Variants in MGAM observed in about 807,000 individuals in gnomAD.
MGAM encodes the protein alpha-1,4-glucosidase.
A neutral mutation model predicts 358.8 loss-of-function variants in MGAM; 253 were observed. The observed-to-expected ratio is 0.71, with a 90% CI of 0.64 to 0.78. The LOEUF (loss-of-function observed/expected upper bound fraction) is 0.78. Ranked by LOEUF, MGAM falls within the 30% of genes least tolerant of loss-of-function variation. The pLI is 0.00. For synonymous variants in MGAM, 1,105 were observed against 1,227.1 expected (o/e 0.90, Z 2.08); for missense variants, 3,080 against 3,432.6 (o/e 0.90, Z 2.57).
rs1241862967 is a variant in MGAM at position 142,032,995 on chromosome 7, G to A, written c.1669+86G>A. 15 of 876,126 alleles carry A rather than the reference G, an allele frequency of 1.7e-5. No individual in the cohort carries two copies. In the East Asian group the frequency reaches 4.2e-4, roughly 25 times the overall value. The allele number at this position is 876,126 out of a possible 1,614,324, so 54.3% of individuals were successfully genotyped here. Reference sequence around the variant, plus strand: ...AGGACAGATCTGAAAAATCTGGCAAGGGAATTTGTTCATAATTGTGCATAG... The same window carrying A: ...AGGACAGATCTGAAAAATCTGGCAAAGGAATTTGTTCATAATTGTGCATAG... On this transcript the variant is annotated intron_variant, in intron 14 of 70. Coordinates refer to ENST00000475668, the MANE Select transcript of MGAM (RefSeq NM_001365693.1).
intron 63 of MGAM, among the ~76,000 whole-genome samples, chr7:142,095,350 C>A (rs1372987424): frequency 1.3e-5 from 2 of 152,146 alleles, no homozygotes; most frequent in Non-Finnish European, 2.9e-5. Flanking sequence ...AAAAAATATA[C>A]CAAAAAGAAT....
intron 21 of MGAM, among the ~76,000 whole-genome samples, chr7:142,047,012 A>T (rs1317325788): frequency 6.6e-6 from 1 of 152,172 alleles, no homozygotes; most frequent in Non-Finnish European, 1.5e-5. Flanking sequence ...TGCTGATAAT[A>T]AAAACTAACT....
chr7:142,058,488 G>A (rs1188942636), intron 31 of MGAM, among the ~76,000 whole-genome samples, 160 bp downstream of exon 31: 2 of 152,154 alleles, frequency 1.3e-5, no homozygotes, highest in African/African-American at 4.8e-5. Context: ...ATAGGTAAGG[G>A]CACTTGTTTC....
At chr7:142,102,997 G>C (rs768126793) in intron 69 of MGAM, among the ~76,000 whole-genome samples, 25 of 152,200 alleles carry the variant, frequency 1.6e-4, no homozygotes, top group Non-Finnish European at 3.2e-4. Context: ...TCCTCCACCT[G>C]TAGAATATAA....
At chr7:142,062,936 C>T (rs1194940874) in intron 35 of MGAM, among the ~76,000 whole-genome samples, 20 of 152,302 alleles carry the variant, frequency 1.3e-4, no homozygotes, top group South Asian at 1.0e-3. Context: ...TGGTGGTTCA[C>T]GCCTGTAATC....
rs550351411 is a variant in MGAM, at chr7:142,086,531, A to G, written c.6748-124A>G. On this transcript the variant is annotated intron_variant, in intron 56 of 70. Coordinates refer to ENST00000475668, the MANE Select transcript of MGAM (RefSeq NM_001365693.1). ...GTTACGGAATTCACTTCTCTTTTAC[A>G]TCAATCCTACATGATAATCAAAGTA... 5.2e-4 allele frequency: 319 copies of G among 618,912 alleles called. 104 individuals are homozygous for G. The highest frequency in any genetic ancestry group is 2.3e-3 in the Admixed American group (85 of 36,606). 38.3% of individuals were successfully genotyped at this position (618,912 alleles called of 1,614,324 possible).
chr7:142,051,426 T>A (rs1289577572), intron 24 of MGAM, among the ~76,000 whole-genome samples: 1 of 152,090 alleles, frequency 6.6e-6, no homozygotes, highest in African/African-American at 2.4e-5. Context: ...GGGAGGAGAC[T>A]AGGAGAAGGA....
Position 142,074,056 on chromosome 7 carries a change from C to T in MGAM, c.5187-29C>T, listed in dbSNP as rs145697600. ...GTTGGCAAAATTGTCTGACTCCTGT[C>T]TTTGTCTCTTGAATCTTGTTCCCCA... On this transcript the variant is annotated intron_variant, in intron 44 of 70. Transcript: ENST00000475668. 3,425 of 1,452,222 alleles carry T rather than the reference C, an allele frequency of 2.4e-3. 204 individuals carry two copies. In the African/African-American group the frequency reaches 0.04, roughly 17 times the overall value. The allele number at this position is 1,452,222 out of a possible 1,614,324, so 90.0% of individuals were successfully genotyped here. A position where few individuals can be genotyped will look rare whatever the true frequency, so the allele number is the denominator to read the frequency against.
At position 142,036,973 on chromosome 7, in the gene MGAM, C is replaced by G. The variant is rs1247661593; in HGVS notation, c.2227C>G (p.His743Asp). 6.2e-7 allele frequency: 1 copy of G among 1,612,668 alleles called. No homozygotes were observed. Among genetic ancestry groups the G allele is most frequent in the Non-Finnish European group, 8.5e-7 (1 of 1,179,290 alleles). ...RGDTVARPLL[H>D]EFYEDNSTWD... ...GGACACGGTGGCCAGGCCCCTTTTG[C>G]ATGAGTAAGTTCACCTAACCTCCTT... The change falls in exon 18 of 71, where the codon CAT becomes GAT. Residue 743 changes from histidine to aspartate, a missense_variant. Physicochemically the swap from His to Asp is moderately conservative, Grantham distance 81 (BLOSUM62 -1). Around this residue, in one of 5 missense-constraint regions of MGAM, gnomAD observed 1,816 missense variants for 1,840.5 expected, o/e 0.99. Transcript: ENST00000475668.
At chr7:142,079,915 G>T (rs1344436182) in intron 49 of MGAM, among the ~76,000 whole-genome samples, 7 of 146,384 alleles carry the variant, frequency 4.8e-5, no homozygotes. Context: ...CACCTAATGG[G>T]TTTGAAGTGA....
intron 1 of MGAM, among the ~76,000 whole-genome samples, chr7:141,996,574 G>T (rs1295491321): frequency 1.3e-5 from 2 of 152,214 alleles, no homozygotes; most frequent in Non-Finnish European, 2.9e-5. Flanking sequence ...TTCTGGAAAT[G>T]AAGTGAGAGA....
intron 55 of MGAM, 93 bp from the exon 56 acceptor site, chr7:142,086,125 C>A: frequency 7.0e-7 from 1 of 1,423,600 alleles, no homozygotes; most frequent in Non-Finnish European, 9.6e-7. Context: ...AGGTAGAAGC[C>A]AACAAGTTCG....
At chr7:142,092,715 T>G (rs1050113142) in intron 59 of MGAM, 107 bp downstream of exon 59, 2 of 1,044,960 alleles carry the variant, frequency 1.9e-6, no homozygotes, top group South Asian at 1.5e-5. Context: ...CACATCCTCA[T>G]GGCTGCTGTG....
chr7:142,048,520 T>TTTTTTTTTTTTTTTTGAGACGG (rs1563163870), intron 22 of MGAM, among the ~76,000 whole-genome samples: 1 of 151,386 alleles, frequency 6.6e-6, no homozygotes. Flanking sequence ...AACCCAATGT[T>TTTTTTTTTTTTTTTTGAGACGG]AATGTCTTCC....
intron 22 of MGAM, among the ~76,000 whole-genome samples, chr7:142,049,938 C>A (rs1184495086): frequency 6.6e-6 from 1 of 152,208 alleles, no homozygotes; most frequent in Non-Finnish European, 1.5e-5. Flanking sequence ...TGAAATCCCA[C>A]TTCTGGGTGT....
chr7:142,027,325 C>A, intron 9 of MGAM, 98 bp downstream of exon 9: 1 of 986,310 alleles, frequency 1.0e-6, no homozygotes, highest in Non-Finnish European at 1.6e-6. Flanking sequence ...ACAAAATCTG[C>A]TGTTACAAAT....
At chr7:142,032,750 A>T (rs1483738458) in intron 13 of MGAM, 75 bp from the exon 14 acceptor site, 5 of 849,760 alleles carry the variant, frequency 5.9e-6, no homozygotes, top group African/African-American at 5.2e-5. Flanking sequence ...CTGATTAATT[A>T]AAAAAAGACA....
intron 7 of MGAM, among the ~76,000 whole-genome samples, chr7:142,023,665 C>A (rs537032876): frequency 6.7e-6 from 1 of 149,982 alleles, no homozygotes; most frequent in Non-Finnish European, 1.5e-5. Context: ...GGTGACAGAG[C>A]GAGACTCTGT....
At chr7:142,060,220 T>C in intron 33 of MGAM, 91 bp from the exon 34 acceptor site, 5 of 1,535,174 alleles carry the variant, frequency 3.3e-6, no homozygotes. Flanking sequence ...TTATTGCTCC[T>C]AGGAGCACGG....
Sources: gnomAD v4.1 joint callset for allele counts (sites outside exome capture counted in the v4.1 genomes callset) on GRCh38, gnomAD v4.1.1 for gene constraint, gnomAD v4.1.1 regional missense constraint, MANE v1.5 for transcripts, NCBI Gene and HGNC (gene_info 2026-07-23, HGNC 2026-07-21) for gene names.